Variants in MGAT5B observed in about 807,000 individuals in gnomAD.
MGAT5B encodes alpha-1,6-mannosylglycoprotein 6-beta-N-acetylglucosaminyltransferase B.
Under a neutral mutation model 95.1 loss-of-function variants are expected in MGAT5B, and 54 were observed. The observed-to-expected ratio is 0.57, with a 90% CI of 0.46 to 0.71. MGAT5B has a LOEUF of 0.71. MGAT5B is among the 30% of genes least tolerant of loss of function. The pLI is 0.00. For synonymous variants in MGAT5B, 464 were observed against 451.0 expected (o/e 1.03, Z -0.36); for missense variants, 935 against 1,088.6 (o/e 0.86, Z 1.99).
In MGAT5B at chr17:76,904,287, C is replaced by T. The variant is rs772350405; in HGVS notation, c.555C>T (p.Tyr185=). 2.3e-5 allele frequency: 37 copies of T among 1,611,232 alleles called. No homozygotes were observed. The highest frequency in any genetic ancestry group is 5.5e-5 in the South Asian group (5 of 90,202). The change falls in exon 6 of 18, where the codon TAC becomes TAT. Residue 185 remains tyrosine, a synonymous_variant. Coordinates refer to ENST00000569840, the MANE Select transcript of MGAT5B (RefSeq NM_001199172.2). ...CCCGCTGGACCTCTGACCCCTGCTACGCCTTCTTTGGGGTGGACGGCACCG... is the reference window on the plus strand; with the variant it reads ...CCCGCTGGACCTCTGACCCCTGCTATGCCTTCTTTGGGGTGGACGGCACCG... ...MRARWTSDPC[Y]AFFGVDGTEC... is the part of the protein sequence containing the mutation.
At chr17:76,883,345 A>G (rs191293952) in intron 3 of MGAT5B, among the ~76,000 whole-genome samples, 18 of 152,284 alleles carry the variant, frequency 1.2e-4, no homozygotes, top group Non-Finnish European at 2.5e-4. Context: ...GTTGAGGGGC[A>G]TGTGTGGATA....
intron 2 of MGAT5B, among the ~76,000 whole-genome samples, chr17:76,880,663 A>G (rs1415841940): frequency 6.6e-6 from 1 of 152,148 alleles, no homozygotes; most frequent in Non-Finnish European, 1.5e-5. Context: ...GAGCCATTCA[A>G]TGACTGCCCT....
chr17:76,910,457 A>C (rs1283417239), intron 8 of MGAT5B, among the ~76,000 whole-genome samples: 9 of 152,204 alleles, frequency 5.9e-5, no homozygotes. Flanking sequence ...GTGCACATAC[A>C]TGCATACTCA....
chr17:76,932,707 C>G lies in MGAT5B; in HGVS notation c.1354C>G (p.Arg452Gly). 2 of 1,613,988 alleles carry G rather than the reference C, an allele frequency of 1.2e-6. No homozygotes were observed. The highest frequency in any genetic ancestry group is 1.7e-6 in the Non-Finnish European group (2 of 1,179,940). The change falls in exon 11 of 18, where the codon CGG (arginine) becomes GGG (glycine). Residue 452 changes from arginine to glycine, a missense_variant. Physicochemically the swap from Arg to Gly is moderately radical, Grantham distance 125. Coordinates refer to ENST00000569840, the MANE Select transcript of MGAT5B (RefSeq NM_001199172.2). The part of the protein sequence containing the change: ...VSEELNETEK[R>G]LIKGGKASNM... ...CGAGGAGCTCAACGAGACGGAGAAG[C>G]GGCTCATCAAAGGCGGCAAGGCCAG...
chr17:76,871,370 G>C (rs184942206), intron 1 of MGAT5B, among the ~76,000 whole-genome samples: 29 of 152,258 alleles, frequency 1.9e-4, no homozygotes, highest in Admixed American at 1.5e-3. Context: ...TCCCTTGCGC[G>C]GTCTTGCCTA....
chr17:76,872,569 CT>C, intron 1 of MGAT5B: 1 of 1,222,800 alleles, frequency 8.2e-7, no homozygotes, highest in Non-Finnish European at 1.1e-6. Flanking sequence ...TGAACCAGCT[CT>C]GCCTGGAGGC....
intron 13 of MGAT5B, among the ~76,000 whole-genome samples, chr17:76,939,029 GGTGTGTGTGTGTGT>G (rs372571720): frequency 1.1e-4 from 14 of 128,258 alleles, no homozygotes; most frequent in Non-Finnish European, 1.8e-4. Context: ...GCATCTTGGG[GGTGTGTGTGTGTGT>G]GTGTGTGTGT....
chr17:76,915,309 T>C lies in MGAT5B; in HGVS notation c.1025+9122T>C, dbSNP rs1401808155. On this transcript the variant is annotated intron_variant, in intron 8 of 17. Transcript: ENST00000569840. The surrounding 1 kb of genome is among the most constrained non-coding windows in gnomAD (Gnocchi z 8.7). ...AGGAGAGAAGGAGAAGAGACCAGGG[T>C]ATACTGTAAATGCAGCGGGGTGGGG... Among the ~76,000 whole-genome samples, 1 of 148,850 alleles carries C rather than the reference T, an allele frequency of 6.7e-6. No individual in the cohort carries two copies. Among genetic ancestry groups the C allele is most frequent in the Non-Finnish European group, 1.5e-5 (1 of 67,356 alleles).
rs543894982 is a variant in MGAT5B at position 76,869,734 on chromosome 17, G to A, written c.68+637G>A. 6.6e-6 allele frequency among the ~76,000 whole-genome samples: 1 copy of A among 152,192 alleles called. No homozygotes were observed. The highest frequency in any genetic ancestry group is 6.5e-5 in the Admixed American group (1 of 15,286). ...GGCAGGGGCGGCGCTGCAGGGCTAC[G>A]GGGCGGCTGGAGCCGAGGCTGCGGC... On this transcript the variant is annotated intron_variant, in intron 1 of 17. Coordinates refer to ENST00000569840, the MANE Select transcript of MGAT5B (RefSeq NM_001199172.2). The surrounding 1 kb of genome is among the most constrained non-coding windows in gnomAD (Gnocchi z 7.0).
In MGAT5B at chr17:76,869,547, C is replaced by T. The variant is rs1966916993; in HGVS notation, c.68+450C>T. 6.6e-6 allele frequency among the ~76,000 whole-genome samples: 1 copy of T among 152,188 alleles called. No individual in the cohort carries two copies. Among genetic ancestry groups the T allele is most frequent in the South Asian group, 2.1e-4 (1 of 4,832 alleles). ...GCCCGTCTGCCCCTAGGTCGGCTAC[C>T]CCCCAACCCCTCCGCCTGTGCCACC... On this transcript the variant is annotated intron_variant, in intron 1 of 17. Transcript: ENST00000569840. This position sits in a 1 kb window ranked among gnomAD's most constrained non-coding sequence, Gnocchi z 7.0.
chr17:76,872,684 T>C (rs1237891367), intron 1 of MGAT5B, 167 bp from the exon 2 acceptor site: 1 of 1,529,976 alleles, frequency 6.5e-7, no homozygotes, highest in Non-Finnish European at 8.8e-7. Flanking sequence ...TATCCTATAG[T>C]GGGGGGGCCC....
intron 8 of MGAT5B, among the ~76,000 whole-genome samples, chr17:76,919,669 G>C (rs1395161678): frequency 6.6e-6 from 1 of 152,192 alleles, no homozygotes; most frequent in African/African-American, 2.4e-5. Context: ...GGACTCAAGC[G>C]ATCCTCCCAC....
chr17:76,929,291 T>A (rs1166658626), intron 10 of MGAT5B, among the ~76,000 whole-genome samples: 1 of 152,048 alleles, frequency 6.6e-6, no homozygotes, highest in Non-Finnish European at 1.5e-5. Context: ...ACTGAGAAAA[T>A]GAGGACTTGT....
At chr17:76,896,868 C>T (rs1292906890) in intron 3 of MGAT5B, among the ~76,000 whole-genome samples, 4 of 152,138 alleles carry the variant, frequency 2.6e-5, no homozygotes, top group African/African-American at 9.7e-5. Flanking sequence ...AACGTGGTTG[C>T]TGAAAAGAAC....
At chr17:76,913,754 G>A (rs1448313767) in intron 8 of MGAT5B, 2 of 490,420 alleles carry the variant, frequency 4.1e-6, no homozygotes, top group Non-Finnish European at 8.1e-6. Context: ...AGGAGATGTG[G>A]CCAGCAACAC....
intron 12 of MGAT5B, among the ~76,000 whole-genome samples, chr17:76,935,989 C>T (rs1023292840): frequency 2.7e-5 from 4 of 145,740 alleles, no homozygotes; most frequent in Admixed American, 7.1e-5. Context: ...GACAGAGAGA[C>T]GGGGTCTCAT....
Position 76,887,800 on chromosome 17 carries a change from G to A in MGAT5B, c.329+5502G>A, listed in dbSNP as rs916183047. Among the ~76,000 whole-genome samples the A allele has an allele frequency of 2.0e-5, 3 of 151,830 alleles. 1 individual carries two copies. The highest frequency in any genetic ancestry group is 1.5e-5 in the Non-Finnish European group (1 of 67,934). ...TCGAACTCCTGACCTCATGTGATCT[G>A]CCCGCCTTGGCCTCCCAAAGTGCTG... On this transcript the variant is annotated intron_variant, in intron 3 of 17. Coordinates refer to ENST00000569840, the MANE Select transcript of MGAT5B (RefSeq NM_001199172.2).
intron 15 of MGAT5B, among the ~76,000 whole-genome samples, chr17:76,944,611 G>T (rs1162992487): frequency 1.3e-5 from 2 of 152,186 alleles, no homozygotes; most frequent in Non-Finnish European, 2.9e-5. Context: ...GCTGGGCTGG[G>T]GATGGGACCT....
In MGAT5B at chr17:76,940,597, A is replaced by AC; in HGVS notation, c.1731+53dup. ...CCGATCAGGAGGGGCCGGGACAGAGACCCCTGCAGGTCCTGGAAGAGGCAG... is the reference window on the plus strand; with the variant it reads ...CCGATCAGGAGGGGCCGGGACAGAGACCCCCTGCAGGTCCTGGAAGAGGCAG... On this transcript the variant is annotated intron_variant, in intron 14 of 17. Coordinates refer to ENST00000569840, the MANE Select transcript of MGAT5B (RefSeq NM_001199172.2). This position sits in a 1 kb window ranked among gnomAD's most constrained non-coding sequence, Gnocchi z 4.3. 6.3e-7 allele frequency: 1 copy of AC among 1,586,666 alleles called. No homozygotes were observed. Among genetic ancestry groups the AC allele is most frequent in the Non-Finnish European group, 8.6e-7 (1 of 1,162,634 alleles).
Sources: allele counts gnomAD v4.1 joint callset (sites outside exome capture counted in the v4.1 genomes callset), GRCh38; gene constraint gnomAD v4.1.1; non-coding constraint Gnocchi (gnomAD v3.1); transcripts MANE v1.5; gene names NCBI Gene and HGNC (gene_info 2026-07-23, HGNC 2026-07-21).